Variants in FAM177A1 observed in about 807,000 individuals in gnomAD.
FAM177A1 encodes the protein protein FAM177A1.
In FAM177A1, 22 loss-of-function variants were observed where a neutral mutation model predicts 26.1. The observed-to-expected ratio is 0.84, with a 90% CI of 0.60 to 1.20. The LOEUF (loss-of-function observed/expected upper bound fraction) is 1.20, where lower values mean the gene tolerates loss of function less well. FAM177A1 is among the 50% of genes most tolerant of loss of function. The pLI is 0.00. For synonymous variants in FAM177A1, 95 were observed against 99.3 expected (o/e 0.96, Z 0.26); for missense variants, 296 against 291.1 (o/e 1.02, Z -0.12).
At chr14:35,065,822 G>A (rs2045232902) in intron 2 of FAM177A1, among the ~76,000 whole-genome samples, 1 of 151,392 alleles carries the variant, frequency 6.6e-6, no homozygotes, top group Admixed American at 6.6e-5. Flanking sequence ...TTCCCGAGTA[G>A]CTGGGATTAC....
intron 4 of FAM177A1, 110 bp downstream of exon 4, chr14:35,079,134 G>T: frequency 2.9e-6 from 2 of 695,064 alleles, no homozygotes; most frequent in South Asian, 2.0e-5. Context: ...GCTCTCTTAT[G>T]CTAGGCATTT....
chr14:35,058,105 C>T (rs1244900906), intron 2 of FAM177A1, among the ~76,000 whole-genome samples: 1 of 151,866 alleles, frequency 6.6e-6, no homozygotes, highest in Non-Finnish European at 1.5e-5. Flanking sequence ...CAGAGTTTCA[C>T]TCTTGTTGCC....
At chr14:35,065,694 C>A (rs1272393091) in intron 2 of FAM177A1, among the ~76,000 whole-genome samples, 1 of 105,114 alleles carries the variant, frequency 9.5e-6, no homozygotes, top group African/African-American at 3.7e-5. Context: ...GTATAAGAAG[C>A]AATTTTTTTT....
At chr14:35,065,660 T>C (rs914969104) in intron 2 of FAM177A1, among the ~76,000 whole-genome samples, 1 of 151,812 alleles carries the variant, frequency 6.6e-6, no homozygotes, top group Non-Finnish European at 1.5e-5. Flanking sequence ...TTGTTTTTCA[T>C]TAATGTAGAC....
intron 2 of FAM177A1, among the ~76,000 whole-genome samples, chr14:35,067,450 T>C (rs530988862): frequency 4.9e-4 from 74 of 152,330 alleles, no homozygotes; most frequent in Middle Eastern, 6.8e-3. Context: ...CTAGGTTGGT[T>C]CCATAATGTG....
intron 2 of FAM177A1, among the ~76,000 whole-genome samples, chr14:35,059,333 G>A (rs2138538723): frequency 6.6e-6 from 1 of 151,818 alleles, no homozygotes; most frequent in African/African-American, 2.4e-5. Flanking sequence ...GCATATAGTT[G>A]GATCTTGTTT....
At position 35,079,035 on chromosome 14, in the gene FAM177A1, T is replaced by A. The variant is rs374405806; in HGVS notation, c.504+11T>A. On this transcript the variant is annotated intron_variant, in intron 4 of 4. Coordinates refer to ENST00000280987, the MANE Select transcript of FAM177A1 (RefSeq NM_173607.5). ...CGGATGAAGAAGGAGGTATGCCTCC[T>A]TTTTACATTTTCTTGATTCAGTTTG... is the stretch of plus-strand genomic sequence containing the variant. The A allele has an allele frequency of 3.9e-6, 6 of 1,548,064 alleles. No homozygotes were observed. In the African/African-American group the frequency reaches 8.5e-5, roughly 22 times the overall value.
At chr14:35,051,415 C>G (rs754361593) in intron 1 of FAM177A1, among the ~76,000 whole-genome samples, 21 of 151,760 alleles carry the variant, frequency 1.4e-4, no homozygotes, top group Non-Finnish European at 2.5e-4. Context: ...CAGCACCCAG[C>G]CTTATTTTTA....
intron 2 of FAM177A1, among the ~76,000 whole-genome samples, chr14:35,070,436 T>A (rs954318051): frequency 6.6e-6 from 1 of 152,000 alleles, no homozygotes; most frequent in Admixed American, 6.6e-5. Flanking sequence ...TTCAAGCAAT[T>A]CTCCTGCCTC....
intron 2 of FAM177A1, among the ~76,000 whole-genome samples, chr14:35,061,124 A>G (rs1449895181): frequency 2.0e-5 from 3 of 152,198 alleles, no homozygotes; most frequent in Non-Finnish European, 4.4e-5. Flanking sequence ...TCAGTCACCC[A>G]TGGGAGGTCT....
intron 2 of FAM177A1, among the ~76,000 whole-genome samples, chr14:35,071,595 A>G (rs1254915106): frequency 1.3e-5 from 2 of 151,978 alleles, no homozygotes; most frequent in African/African-American, 4.8e-5. Flanking sequence ...AGGGCCCTAT[A>G]TATTCATTCT....
At chr14:35,075,760 TCAAA>T (rs777644485) in intron 2 of FAM177A1, among the ~76,000 whole-genome samples, 3 of 151,782 alleles carry the variant, frequency 2.0e-5, no homozygotes, top group Admixed American at 6.6e-5. Flanking sequence ...CAAGAAAAAA[TCAAA>T]CAACCCCATC....
chr14:35,046,919 C>A, intron 1 of FAM177A1: 1 of 1,201,158 alleles, frequency 8.3e-7, no homozygotes, highest in Admixed American at 4.6e-5. Context: ...AAAGGCGTGT[C>A]CCCCAAAGGC....
At chr14:35,067,874 TG>T (rs1331671428) in intron 2 of FAM177A1, among the ~76,000 whole-genome samples, 1 of 152,226 alleles carries the variant, frequency 6.6e-6, no homozygotes, top group African/African-American at 2.4e-5. Context: ...TTAATTAGGT[TG>T]TTTTTTTGCT....
chr14:35,061,614 G>A (rs2045158398), intron 2 of FAM177A1, among the ~76,000 whole-genome samples: 1 of 95,842 alleles, frequency 1.0e-5, no homozygotes, highest in African/African-American at 4.3e-5. Context: ...GGACTGTTGT[G>A]GGGTGGGGGG....
At chr14:35,077,841 A>G (rs1013118450) in intron 3 of FAM177A1, among the ~76,000 whole-genome samples, 5 of 152,128 alleles carry the variant, frequency 3.3e-5, no homozygotes, top group Non-Finnish European at 5.9e-5. Context: ...TTGGTTTCCA[A>G]TTGATAACAT....
chr14:35,061,095 T>C (rs1401824833), intron 2 of FAM177A1, among the ~76,000 whole-genome samples: 3 of 152,050 alleles, frequency 2.0e-5, no homozygotes, highest in Non-Finnish European at 4.4e-5. Flanking sequence ...CAGTATAGGG[T>C]TCAGTATTAT....
chr14:35,078,545 T>G (rs2045431230), intron 3 of FAM177A1, among the ~76,000 whole-genome samples: 1 of 152,056 alleles, frequency 6.6e-6, no homozygotes, highest in Non-Finnish European at 1.5e-5. Context: ...AGAGATGAGG[T>G]TTCATCATGT....
chr14:35,047,022 G>A (rs2044879064), intron 1 of FAM177A1: 1 of 1,014,230 alleles, frequency 9.9e-7, no homozygotes, highest in African/African-American at 1.7e-5. Context: ...TCTGCCCTTT[G>A]CTTGGCATAT....
Sources: allele counts gnomAD v4.1 joint callset (sites outside exome capture counted in the v4.1 genomes callset), GRCh38; gene constraint gnomAD v4.1.1; transcripts MANE v1.5; gene names NCBI Gene and HGNC (gene_info 2026-07-23, HGNC 2026-07-21).